The following GGA2 variants were observed in gnomAD, a reference collection of about 807,000 sequenced individuals.
GGA2 encodes the protein golgi associated, gamma adaptin ear containing, ARF binding protein 2, also known as ADP-ribosylation factor-binding protein GGA2.
In GGA2, 48 loss-of-function variants were observed where a neutral mutation model predicts 79.5. That is an observed-to-expected ratio of 0.60 (90% CI 0.48 to 0.77). The LOEUF (loss-of-function observed/expected upper bound fraction) is 0.77. Ranked by LOEUF, GGA2 falls within the 30% of genes least tolerant of loss-of-function variation. GGA2 has a pLI of 0.00. For missense variants in GGA2, 770 were observed against 774.0 expected (o/e 0.99, Z 0.06); for synonymous variants, 317 against 302.0 (o/e 1.05, Z -0.51).
At chr16:23,478,072 G>A (rs1161336578) in intron 13 of GGA2, among the ~76,000 whole-genome samples, 2 of 151,738 alleles carry the variant, frequency 1.3e-5, no homozygotes, top group Admixed American at 1.3e-4. Context: ...GGTGGCGCGT[G>A]CCTGTAATCC....
At chr16:23,517,783 TAG>T (rs991408102) in intron 2 of GGA2, among the ~76,000 whole-genome samples, 6 of 152,100 alleles carry the variant, frequency 3.9e-5, no homozygotes, top group African/African-American at 1.2e-4. Flanking sequence ...GTGTTTTTAG[TAG>T]AGACAGGGTT....
In GGA2 at chr16:23,494,373, G is replaced by T; in HGVS notation, c.182C>A (p.Thr61Lys). 6.2e-7 allele frequency: 1 copy of T among 1,609,392 alleles called. No homozygotes were observed. The highest frequency in any genetic ancestry group is 8.5e-7 in the Non-Finnish European group (1 of 1,175,622). ...GTGGGCCAGTAGCCAGGGCGCATGTGTGGGGCTACAGGGAAACAAAAAGAC... is the reference window on the plus strand; with the variant it reads ...GTGGGCCAGTAGCCAGGGCGCATGTTTGGGGCTACAGGGAAACAAAAAGAC... ...EQVNTDPNGPTHAPWLLAHKI... is the reference protein window; with the variant it reads ...EQVNTDPNGPKHAPWLLAHKI... The change falls in exon 3 of 17, where the codon ACA becomes AAA. Residue 61 changes from threonine to lysine, a missense_variant. Transcript: ENST00000309859.
At position 23,510,319 on chromosome 16, in the gene GGA2, A is replaced by T; in HGVS notation, c.91+2T>A. On this transcript the variant is annotated splice_donor_variant, in intron 1 of 16. Coordinates refer to ENST00000309859, the MANE Select transcript of GGA2 (RefSeq NM_015044.4). LOFTEE classifies it high-confidence loss of function. ...GCGCCGAAGGCCTGCCAGGCTACTCACTGAGCCACAGCTCCAGCGACGCTG... is the reference window on the plus strand; with the variant it reads ...GCGCCGAAGGCCTGCCAGGCTACTCTCTGAGCCACAGCTCCAGCGACGCTG... The T allele has an allele frequency of 7.0e-7, 1 of 1,430,910 alleles. No individual in the cohort carries two copies. 88.6% of individuals were successfully genotyped at this position (1,430,910 alleles called of 1,614,324 possible). A position where few individuals can be genotyped will look rare whatever the true frequency, so the allele number is the denominator to read the frequency against.
At chr16:23,498,324 T>C (rs918661348) in intron 1 of GGA2, among the ~76,000 whole-genome samples, 8 of 149,794 alleles carry the variant, frequency 5.3e-5, no homozygotes, top group South Asian at 2.1e-4. Context: ...CCTGCAGTCC[T>C]AGCTACTCAG....
At chr16:23,477,748 AAAAC>A (rs554950190) in intron 13 of GGA2, among the ~76,000 whole-genome samples, 51 of 152,220 alleles carry the variant, frequency 3.4e-4, no homozygotes, top group African/African-American at 1.1e-3. Flanking sequence ...CTCCATCTCA[AAAAC>A]AAACAAACAA....
intron 4 of GGA2, among the ~76,000 whole-genome samples, chr16:23,492,548 T>C (rs1173863434): frequency 3.9e-5 from 6 of 152,242 alleles, no homozygotes; most frequent in African/African-American, 7.2e-5. Flanking sequence ...TGAACCTACG[T>C]TGGGAGGATG....
Position 23,483,007 on chromosome 16 carries a change from G to A in GGA2, c.799-3C>T. 6.2e-7 allele frequency: 1 copy of A among 1,604,392 alleles called. No homozygotes were observed. The highest frequency in any genetic ancestry group is 8.5e-7 in the Non-Finnish European group (1 of 1,171,294). On this transcript the variant is annotated splice_polypyrimidine_tract_variant and splice_region_variant and intron_variant, in intron 8 of 16. Transcript: ENST00000309859. ...TTTTCACACCTCTCATACACGACCT[G>A]AAAGAGCAGAGCTTGGTTCATGACA...
intron 1 of GGA2, among the ~76,000 whole-genome samples, chr16:23,496,955 TAAA>T (rs572552890): frequency 1.2e-4 from 15 of 123,058 alleles, no homozygotes; most frequent in Non-Finnish European, 2.1e-4. Context: ...AGACTCCATC[TAAA>T]AAAAAAAAAA....
chr16:23,495,065 C>T (rs1320160530), intron 2 of GGA2, among the ~76,000 whole-genome samples: 1 of 147,330 alleles, frequency 6.8e-6, no homozygotes, highest in Non-Finnish European at 1.5e-5. Context: ...AGTCTTGAGA[C>T]ACTCTGTCTC....
intron 1 of GGA2, chr16:23,500,777 G>A (rs1456687542): frequency 6.1e-6 from 1 of 164,342 alleles, no homozygotes; most frequent in Non-Finnish European, 1.3e-5. Flanking sequence ...TCGGATTTAG[G>A]AGCCCGCAAG....
At chr16:23,480,016 C>G in intron 10 of GGA2, 129 bp from the exon 11 acceptor site, 1 of 814,056 alleles carries the variant, frequency 1.2e-6, no homozygotes, top group Non-Finnish European at 1.9e-6. Context: ...TTCCAAGAAC[C>G]TTCCACTCAG....
chr16:23,465,156 C>T lies in GGA2; in HGVS notation c.*2434G>A, dbSNP rs1964419287. 1 of 595,436 alleles carries T rather than the reference C, an allele frequency of 1.7e-6. No individual in the cohort carries two copies. Among genetic ancestry groups the T allele is most frequent in the Non-Finnish European group, 3.0e-6 (1 of 334,272 alleles). 36.9% of individuals were successfully genotyped at this position (595,436 alleles called of 1,614,324 possible). On this transcript the variant is annotated 3_prime_UTR_variant, in exon 17 of 17. Transcript: ENST00000309859. ...CTCAGGGTAGCTGGTCAACAACTAG[C>T]TTTTAAAAAAACAGAGACACGGTCT...
chr16:23,506,642 G>A (rs762333524), intron 1 of GGA2, among the ~76,000 whole-genome samples: 2 of 151,994 alleles, frequency 1.3e-5, no homozygotes, highest in Non-Finnish European at 1.5e-5. Flanking sequence ...CAGAATTATC[G>A]GGCCCAAGAT....
chr16:23,492,508 G>A (rs985807880), intron 4 of GGA2, among the ~76,000 whole-genome samples: 3 of 152,156 alleles, frequency 2.0e-5, no homozygotes, highest in Non-Finnish European at 4.4e-5. Flanking sequence ...TGAAAACACT[G>A]AAACAAGGAA....
upstream of GGA2, chr16:23,510,530 C>A (rs1271699636): frequency 7.5e-6 from 3 of 399,874 alleles, no homozygotes; most frequent in Non-Finnish European, 1.3e-5. Flanking sequence ...GGGGCGGGGC[C>A]GCTGGCGCCA....
chr16:23,498,097 C>T (rs550670207), intron 1 of GGA2, among the ~76,000 whole-genome samples: 43 of 151,542 alleles, frequency 2.8e-4, no homozygotes, highest in Admixed American at 5.3e-4. Flanking sequence ...CTGGGCAACA[C>T]GGTGAAATCC....
At chr16:23,478,605 C>G in intron 12 of GGA2, 104 bp from the exon 13 acceptor site, 1 of 1,129,836 alleles carries the variant, frequency 8.9e-7, no homozygotes, top group South Asian at 1.2e-5. Flanking sequence ...CTGCTGTGGC[C>G]CAGACTGGTG....
At chr16:23,467,852 A>G (rs1007827221) in intron 16 of GGA2, 152 bp from the exon 17 acceptor site, 2 of 635,952 alleles carry the variant, frequency 3.1e-6, no homozygotes, top group Admixed American at 2.4e-5. Context: ...ACAGGCACAT[A>G]TCCTGGGAAC....
intron 1 of GGA2, 151 bp downstream of exon 1, chr16:23,510,170 G>T: frequency 2.5e-6 from 1 of 397,816 alleles, no homozygotes; most frequent in Non-Finnish European, 4.3e-6. Context: ...GGACCCCTGG[G>T]CGATCTTCCC....
Sources: allele counts gnomAD v4.1 joint callset (sites outside exome capture counted in the v4.1 genomes callset), GRCh38; gene constraint gnomAD v4.1.1; transcripts MANE v1.5; gene names NCBI Gene and HGNC (gene_info 2026-07-23, HGNC 2026-07-21).